Variants in MAGEB5 observed in about 807,000 individuals in gnomAD.
MAGEB5 encodes the protein melanoma-associated antigen B5.
For synonymous variants in MAGEB5, 70 were observed against 75.0 expected, an observed-to-expected ratio of 0.93 and a Z score of 0.34; for missense variants, 189 against 197.1, an observed-to-expected ratio of 0.96 and a Z score of 0.25.
rs961914086 is a variant in MAGEB5, at chrX:26,217,556, T to C, written c.255T>C (p.Ala85=). ...AGTTTGCTGAGATTCACAGAAGAGC[T>C]TCTGAGCACATTGAGGTTGTCTTTG... is the stretch of plus-strand genomic sequence containing the variant. ...QNQFAEIHRR[A]SEHIEVVFAV... Residue 85 remains alanine (A), a synonymous_variant, in exon 2 of 2, where the codon GCT becomes GCC. Transcript: ENST00000602297. The C allele has an allele frequency of 2.6e-6, 3 of 1,165,512 alleles. No homozygotes were observed. The African/African-American group carries it at 5.4e-5, about 21-fold the overall frequency.
At chrX:26,216,554 G>A (rs767203667) in intron 1 of MAGEB5, among the ~76,000 whole-genome samples, 1 of 111,251 alleles carries the variant, frequency 9.0e-6, no homozygotes, top group Non-Finnish European at 1.9e-5. Flanking sequence ...ATATGCCAAT[G>A]TAAGGACCCC....
Position 26,217,712 on chromosome X carries a change from G to A in MAGEB5, c.411G>A (p.Leu137=), listed in dbSNP as rs913435541. The A allele has an allele frequency of 1.5e-5, 17 of 1,165,293 alleles. No individual in the cohort carries two copies. Among genetic ancestry groups the A allele is most frequent in the Non-Finnish European group, 1.3e-5 (11 of 872,813 alleles). ...AGACTGGTCTCCTCATGACTTTCCT[G>A]GTTGTGATCTTCCTGAAAGGCAACT... is the stretch of plus-strand genomic sequence containing the variant. ...LPKTGLLMTF[L]VVIFLKGNCA... is the part of the protein sequence containing the mutation. The change falls in exon 2 of 2, where the codon CTG becomes CTA. Residue 137 remains leucine (L), a synonymous_variant. Transcript: ENST00000602297.
chrX:26,217,801 A>G lies in MAGEB5; in HGVS notation c.500A>G (p.Tyr167Cys). 1 of 1,169,407 alleles carries G rather than the reference A, an allele frequency of 8.6e-7. No homozygotes were observed. The highest frequency in any genetic ancestry group is 1.1e-6 in the Non-Finnish European group (1 of 874,046). The part of the protein sequence containing the change: ...DMMQIYDGKK[Y>C]YIYGEPRKLI... ...ATGCAAATATATGATGGGAAGAAGTACTACATCTATGGAGAGCCCAGGAAG... is the reference window on the plus strand; with the variant it reads ...ATGCAAATATATGATGGGAAGAAGTGCTACATCTATGGAGAGCCCAGGAAG... The change falls in exon 2 of 2, where the codon TAC (tyrosine) becomes TGC (cysteine). Residue 167 changes from tyrosine to cysteine, a missense_variant. By Grantham distance (194) the Tyr-to-Cys change is radical (BLOSUM62 -2). Coordinates refer to ENST00000602297, the MANE Select transcript of MAGEB5 (RefSeq NM_001271752.1).
rs566246526 is a variant in MAGEB5 at position 26,217,845 on chromosome X, G to A, written c.544G>A (p.Val182Met). The A allele has an allele frequency of 4.9e-4, 579 of 1,181,591 alleles. 3 individuals are homozygous for A. In the South Asian group the frequency reaches 6.1e-3, roughly 12 times the overall value. ...CAGGAAGCTCATCACTCAGGATTTC[G>A]TGAGGCTAACGTACCTGGAGTACCA... ...EPRKLITQDF[V>M]RLTYLEYHQV... Residue 182 changes from valine (V) to methionine (M), a missense_variant, in exon 2 of 2, where the codon GTG becomes ATG. Physicochemically the swap from Val to Met is conservative, Grantham distance 21. Transcript: ENST00000602297.
Position 26,217,070 on chromosome X carries a change from G to A in MAGEB5, c.-217-15G>A. ...CGTTCTCCTACTCATTCTCCTGCCTGCTGTCCTTTATCAGAGTCAACATGT... is the reference window on the plus strand; with the variant it reads ...CGTTCTCCTACTCATTCTCCTGCCTACTGTCCTTTATCAGAGTCAACATGT... On this transcript the variant is annotated splice_polypyrimidine_tract_variant and intron_variant, in intron 1 of 1. Transcript: ENST00000602297. 5.4e-6 allele frequency: 2 copies of A among 371,367 alleles called. No individual in the cohort carries two copies. Among genetic ancestry groups the A allele is most frequent in the Middle Eastern group, 7.2e-4 (1 of 1,394 alleles). 30.6% of individuals were successfully genotyped at this position (371,367 alleles called of 1,213,427 possible).
chrX:26,216,412 A>G (rs1929450958), intron 1 of MAGEB5, among the ~76,000 whole-genome samples: 1 of 111,843 alleles, frequency 8.9e-6, no homozygotes, highest in African/African-American at 3.3e-5. Context: ...TCAGTACTTG[A>G]AGGGCCAGGG....
In MAGEB5 at chrX:26,217,180, C is replaced by A; in HGVS notation, c.-122C>A. ...TCTCTGCTTCAGAGTGGAGCTCAGGCCAGTGAATAAGTGGAAGATGATCCC... is the reference window on the plus strand; with the variant it reads ...TCTCTGCTTCAGAGTGGAGCTCAGGACAGTGAATAAGTGGAAGATGATCCC... On this transcript the variant is annotated 5_prime_UTR_variant, in exon 2 of 2. Transcript: ENST00000602297. 2.0e-6 allele frequency: 1 copy of A among 491,117 alleles called. No homozygotes were observed. The highest frequency in any genetic ancestry group is 3.4e-6 in the Non-Finnish European group (1 of 292,992). 40.5% of individuals were successfully genotyped at this position (491,117 alleles called of 1,213,427 possible). A position where few individuals can be genotyped will look rare whatever the true frequency, so the allele number is the denominator to read the frequency against.
rs748454171 is a variant in MAGEB5, at chrX:26,217,479, C to T, written c.178C>T (p.Arg60Cys). Residue 60 changes from arginine (R) to cysteine (C), a missense_variant, in exon 2 of 2, where the codon CGT becomes TGT. Physicochemically the swap from Arg to Cys is radical, Grantham distance 180. Coordinates refer to ENST00000602297, the MANE Select transcript of MAGEB5 (RefSeq NM_001271752.1). ...FLLYKFKMKQ[R>C]ILKEDMLKIV... Reference sequence around the variant, plus strand: ...GCTCTACAAGTTCAAAATGAAACAGCGTATTTTGAAGGAAGATATGCTGAA... The same window carrying T: ...GCTCTACAAGTTCAAAATGAAACAGTGTATTTTGAAGGAAGATATGCTGAA... 8.6e-6 allele frequency: 10 copies of T among 1,164,311 alleles called. No homozygotes were observed. The highest frequency in any genetic ancestry group is 3.8e-5 in the South Asian group (2 of 52,171).
Position 26,217,246 on chromosome X carries a change from G to A in MAGEB5, c.-56G>A. 3.4e-6 allele frequency: 3 copies of A among 873,041 alleles called. No individual in the cohort carries two copies. The highest frequency in any genetic ancestry group is 2.9e-4 in the Middle Eastern group (1 of 3,505). The allele number at this position is 873,041 out of a possible 1,213,427, so 71.9% of individuals were successfully genotyped here. A position where few individuals can be genotyped will look rare whatever the true frequency, so the allele number is the denominator to read the frequency against. ...CCTATTCTTGGGGATATTCCCCAGA[G>A]CTCATCTGCTGCTGAGTCAAGTGGC... On this transcript the variant is annotated 5_prime_UTR_variant, in exon 2 of 2. Coordinates refer to ENST00000602297, the MANE Select transcript of MAGEB5 (RefSeq NM_001271752.1).
At position 26,217,828 on chromosome X, in the gene MAGEB5, T is replaced by C. The variant is rs1354081606; in HGVS notation, c.527T>C (p.Leu176Pro). 2 of 1,177,307 alleles carry C rather than the reference T, an allele frequency of 1.7e-6. No individual in the cohort carries two copies. The highest frequency in any genetic ancestry group is 2.5e-5 in the Admixed American group (1 of 39,870). The change falls in exon 2 of 2, where the codon CTC becomes CCC. Residue 176 changes from leucine (L) to proline (P), a missense_variant. Leu to Pro is a moderately conservative substitution (Grantham distance 98, BLOSUM62 -3). Transcript: ENST00000602297. ...TACATCTATGGAGAGCCCAGGAAGC[T>C]CATCACTCAGGATTTCGTGAGGCTA... is the stretch of plus-strand genomic sequence containing the variant. ...KYYIYGEPRK[L>P]ITQDFVRLTY...
rs1328427924 is a variant in MAGEB5, at chrX:26,217,554, G to C, written c.253G>C (p.Ala85Pro). ...QNQFAEIHRR[A>P]SEHIEVVFAV... Reference sequence around the variant, plus strand: ...CCAGTTTGCTGAGATTCACAGAAGAGCTTCTGAGCACATTGAGGTTGTCTT... The same window carrying C: ...CCAGTTTGCTGAGATTCACAGAAGACCTTCTGAGCACATTGAGGTTGTCTT... Residue 85 changes from alanine (A) to proline (P), a missense_variant, in exon 2 of 2, where the codon GCT becomes CCT. By Grantham distance (27) the Ala-to-Pro change is conservative. Coordinates refer to ENST00000602297, the MANE Select transcript of MAGEB5 (RefSeq NM_001271752.1). The C allele has an allele frequency of 8.6e-7, 1 of 1,165,446 alleles. No individual in the cohort carries two copies. Among genetic ancestry groups the C allele is most frequent in the African/African-American group, 1.8e-5 (1 of 55,808 alleles).
chrX:26,216,391 C>T (rs1174126291), intron 1 of MAGEB5, among the ~76,000 whole-genome samples, 193 bp downstream of exon 1: 1 of 111,916 alleles, frequency 8.9e-6, no homozygotes, highest in Non-Finnish European at 1.9e-5. Flanking sequence ...GAATCTGGCC[C>T]TACCCTGGTT....
chrX:26,216,294 G>A (rs980008102), intron 1 of MAGEB5, 96 bp downstream of exon 1: 1 of 111,820 alleles, frequency 8.9e-6, no homozygotes, highest in African/African-American at 3.3e-5. Context: ...ATAAGCATTA[G>A]GAAGGGAAGG....
At chrX:26,217,033 G>A in intron 1 of MAGEB5, 52 bp from the exon 2 acceptor site, 1 of 316,521 alleles carries the variant, frequency 3.2e-6, no homozygotes, top group Non-Finnish European at 5.5e-6. Context: ...CCTCCAGTGG[G>A]CTCTCTTGAC....
In MAGEB5 at chrX:26,217,200, G is replaced by T; in HGVS notation, c.-102G>T. 1.8e-6 allele frequency: 1 copy of T among 562,996 alleles called. No individual in the cohort carries two copies. Among genetic ancestry groups the T allele is most frequent in the South Asian group, 3.2e-5 (1 of 31,100 alleles). The allele number at this position is 562,996 out of a possible 1,213,427, so 46.4% of individuals were successfully genotyped here. On this transcript the variant is annotated 5_prime_UTR_variant, in exon 2 of 2. An upstream start codon of the reference 5' UTR is lost. Coordinates refer to ENST00000602297, the MANE Select transcript of MAGEB5 (RefSeq NM_001271752.1). ...TCAGGCCAGTGAATAAGTGGAAGATGATCCCCTCCCCACTTCCTCTCCTAT... is the reference window on the plus strand; with the variant it reads ...TCAGGCCAGTGAATAAGTGGAAGATTATCCCCTCCCCACTTCCTCTCCTAT...
In MAGEB5 at chrX:26,217,133, A is replaced by G. The variant is rs1929460820; in HGVS notation, c.-169A>G. 2.3e-6 allele frequency: 1 copy of G among 434,649 alleles called. No individual in the cohort carries two copies. The highest frequency in any genetic ancestry group is 4.0e-6 in the Non-Finnish European group (1 of 252,956). 35.8% of individuals were successfully genotyped at this position (434,649 alleles called of 1,213,427 possible). On this transcript the variant is annotated 5_prime_UTR_variant, in exon 2 of 2. Coordinates refer to ENST00000602297, the MANE Select transcript of MAGEB5 (RefSeq NM_001271752.1). ...ACAGTAAGCTCCACACTTGTGAGAA[A>G]CACTACCAGATCCAAGATGACTCTC...
chrX:26,217,168 G>A lies in MAGEB5; in HGVS notation c.-134G>A. 1 of 466,701 alleles carries A rather than the reference G, an allele frequency of 2.1e-6. No homozygotes were observed. The highest frequency in any genetic ancestry group is 3.6e-6 in the Non-Finnish European group (1 of 274,004). 38.5% of individuals were successfully genotyped at this position (466,701 alleles called of 1,213,427 possible). On this transcript the variant is annotated 5_prime_UTR_variant, in exon 2 of 2. It adds an upstream start codon to the 5' untranslated region. Coordinates refer to ENST00000602297, the MANE Select transcript of MAGEB5 (RefSeq NM_001271752.1). Reference sequence around the variant, plus strand: ...ATCCAAGATGACTCTCTGCTTCAGAGTGGAGCTCAGGCCAGTGAATAAGTG... The same window carrying A: ...ATCCAAGATGACTCTCTGCTTCAGAATGGAGCTCAGGCCAGTGAATAAGTG...
rs985789190 is a variant in MAGEB5 at position 26,217,627 on chromosome X, T to C, written c.326T>C (p.Leu109Pro). The change falls in exon 2 of 2, where the codon CTT (leucine) becomes CCT (proline). Residue 109 changes from leucine (L) to proline (P), a missense_variant. By Grantham distance (98) the Leu-to-Pro change is moderately conservative (BLOSUM62 -3). Coordinates refer to ENST00000602297, the MANE Select transcript of MAGEB5 (RefSeq NM_001271752.1). Reference sequence around the variant, plus strand: ...AACCCAACTTGTCACTTATATGACCTTGTCAGCAAGCTGAAACTCCCCAAC... The same window carrying C: ...AACCCAACTTGTCACTTATATGACCCTGTCAGCAAGCTGAAACTCCCCAAC... ...EVNPTCHLYD[L>P]VSKLKLPNNG... The C allele has an allele frequency of 8.6e-7, 1 of 1,165,046 alleles. No homozygotes were observed. The highest frequency in any genetic ancestry group is 1.8e-5 in the African/African-American group (1 of 55,676).
In MAGEB5 at chrX:26,217,466, C is replaced by T. The variant is rs1375201987; in HGVS notation, c.165C>T (p.Phe55=). The change falls in exon 2 of 2, where the codon TTC becomes TTT. Residue 55 remains phenylalanine (F), a synonymous_variant. Transcript: ENST00000602297. ...GLLEQFLLYK[F]KMKQRILKED... ...TGGAGCAGTTCCTGCTCTACAAGTTCAAAATGAAACAGCGTATTTTGAAGG... is the reference window on the plus strand; with the variant it reads ...TGGAGCAGTTCCTGCTCTACAAGTTTAAAATGAAACAGCGTATTTTGAAGG... The T allele has an allele frequency of 1.7e-6, 2 of 1,164,579 alleles. No homozygotes were observed. The highest frequency in any genetic ancestry group is 3.6e-5 in the African/African-American group (2 of 55,724).
Sources: gnomAD v4.1 joint callset for allele counts (sites outside exome capture counted in the v4.1 genomes callset) on GRCh38, gnomAD v4.1.1 for gene constraint, MANE v1.5 for transcripts, NCBI Gene and HGNC (gene_info 2026-07-23, HGNC 2026-07-21) for gene names.